Variants in LRP2 observed in about 807,000 individuals in gnomAD.
LRP2 encodes low-density lipoprotein receptor-related protein 2.
Under a neutral mutation model 531.0 loss-of-function variants are expected in LRP2, and 172 were observed. The observed-to-expected ratio is 0.32, with a 90% CI of 0.29 to 0.37. The LOEUF (loss-of-function observed/expected upper bound fraction) is 0.37, where lower values mean the gene tolerates loss of function less well. Ranked by LOEUF, LRP2 falls within the 10% of genes least tolerant of loss-of-function variation. The pLI is 1.00. For synonymous variants in LRP2, 1,992 were observed against 2,027.6 expected, an observed-to-expected ratio of 0.98 and a Z score of 0.47; for missense variants, 5,167 against 5,868.3, an observed-to-expected ratio of 0.88 and a Z score of 3.90.
At chr2:169,181,255 T>C (rs1365473839) in intron 52 of LRP2, among the ~76,000 whole-genome samples, 193 bp downstream of exon 52, 2 of 152,196 alleles carry the variant, frequency 1.3e-5, no homozygotes, top group Non-Finnish European at 2.9e-5. Context: ...CCATATGATT[T>C]AAAAGTTCAC....
chr2:169,270,611 TG>T (rs1252074187), intron 16 of LRP2, among the ~76,000 whole-genome samples: 1 of 49,224 alleles, frequency 2.0e-5, no homozygotes, highest in Non-Finnish European at 3.9e-5. Flanking sequence ...TGTCGTGGGG[TG>T]GGGGGAGGGG....
chr2:169,291,110 T>C, intron 7 of LRP2, 113 bp from the exon 8 acceptor site: 1 of 896,238 alleles, frequency 1.1e-6, no homozygotes, highest in Non-Finnish European at 1.7e-6. Context: ...AATCTATAAA[T>C]GATCTACATT....
intron 50 of LRP2, among the ~76,000 whole-genome samples, chr2:169,182,851 C>A (rs1687492436): frequency 6.6e-6 from 1 of 152,198 alleles, no homozygotes; most frequent in Admixed American, 6.5e-5. Flanking sequence ...ACCTGAGACA[C>A]ATTTCACTTA....
At chr2:169,169,623 A>G (rs1686917112) in intron 60 of LRP2, 79 bp downstream of exon 60, 1 of 1,051,924 alleles carries the variant, frequency 9.5e-7, no homozygotes, top group African/African-American at 1.6e-5. Flanking sequence ...TAATCTAAGA[A>G]GCGGCAGCGG....
In LRP2 at chr2:169,205,426, A is replaced by G. The variant is rs1688341914; in HGVS notation, c.7715+53T>C. ...ATGATGCAAATCCCTCTTCTTTGGA[A>G]ATGGAAGAAAAACCTCTTCTTAACA... On this transcript the variant is annotated intron_variant, in intron 41 of 78. Coordinates refer to ENST00000649046, the MANE Select transcript of LRP2 (RefSeq NM_004525.3). 6.3e-6 allele frequency: 10 copies of G among 1,595,812 alleles called. No individual in the cohort carries two copies. The South Asian group carries it at 1.1e-4, about 18-fold the overall frequency.
intron 13 of LRP2, 170 bp from the exon 14 acceptor site, chr2:169,275,408 T>C: frequency 1.6e-6 from 1 of 617,864 alleles, no homozygotes; most frequent in South Asian, 1.9e-5. Context: ...CATCTACATA[T>C]GATAGAAGGA....
At position 169,257,143 on chromosome 2, in the gene LRP2, C is replaced by T. The variant is rs781457986; in HGVS notation, c.2620G>A (p.Gly874Ser). Reference sequence around the variant, plus strand: ...ACTTACGCCCAATCGATGGCCAAGCCATTGGGCCATCCAAGAGTAGTGTTT... The same window carrying T: ...ACTTACGCCCAATCGATGGCCAAGCTATTGGGCCATCCAAGAGTAGTGTTT... ...VINTTLGWPN[G>S]LAIDWAASRL... The change falls in exon 18 of 79, where the codon GGC becomes AGC. Residue 874 changes from glycine (G) to serine (S), a missense_variant. This residue lies in a region of LRP2 where 2,811 missense variants were observed against 3,058.0 expected (regional missense o/e 0.92). Coordinates refer to ENST00000649046, the MANE Select transcript of LRP2 (RefSeq NM_004525.3). The T allele has an allele frequency of 1.2e-6, 2 of 1,612,832 alleles. No individual in the cohort carries two copies. The highest frequency in any genetic ancestry group is 3.3e-5 in the Admixed American group (2 of 59,884).
At chr2:169,145,690 T>C (rs555887655) in intron 70 of LRP2, 57 bp downstream of exon 70, 2 of 1,538,256 alleles carry the variant, frequency 1.3e-6, no homozygotes, top group Non-Finnish European at 1.8e-6. Flanking sequence ...ATAGCCATTA[T>C]TTTGAAATAA....
rs898578059 is a variant in LRP2, at chr2:169,176,509, G to A, written c.10473C>T (p.Cys3491=). The change falls in exon 54 of 79, where the codon TGC becomes TGT. Residue 3491 remains cysteine (C), a synonymous_variant. Transcript: ENST00000649046. ...GGGTGCGGAAGTCATCTGGACACTCGCAAGTGAACCCTTTTCCTCCTGGCT... is the reference window on the plus strand; with the variant it reads ...GGGTGCGGAAGTCATCTGGACACTCACAAGTGAACCCTTTTCCTCCTGGCT... ...LIKPGGKGFT[C]ECPDDFRTLQ... is the part of the protein sequence containing the mutation. The A allele has an allele frequency of 5.6e-6, 9 of 1,614,042 alleles. No homozygotes were observed. In the Admixed American group the frequency reaches 6.7e-5, roughly 12 times the overall value.
rs77251020 is a variant in LRP2 at position 169,232,114 on chromosome 2, G to A, written c.5099-272C>T. Among the ~76,000 whole-genome samples the A allele has an allele frequency of 0.021, 3,204 of 151,988 alleles. 54 individuals are homozygous for A. The highest frequency in any genetic ancestry group is 0.041 in the Middle Eastern group (12 of 292). ...TCAATCCAGTCTATAACTGGATTAC[G>A]AACAAACAGCCACTGAGTAATCTGG... On this transcript the variant is annotated intron_variant, in intron 30 of 78. Coordinates refer to ENST00000649046, the MANE Select transcript of LRP2 (RefSeq NM_004525.3).
At position 169,294,281 on chromosome 2, in the gene LRP2, A is replaced by C. The variant is rs1684079359; in HGVS notation, c.539-20T>G. 9.1e-6 allele frequency: 13 copies of C among 1,423,972 alleles called. No individual in the cohort carries two copies. Among genetic ancestry groups the C allele is most frequent in the Non-Finnish European group, 1.3e-5 (13 of 1,006,486 alleles). 88.2% of individuals were successfully genotyped at this position (1,423,972 alleles called of 1,614,324 possible). A position where few individuals can be genotyped will look rare whatever the true frequency, so the allele number is the denominator to read the frequency against. ...TCTCAGCTGCAACAGAAAGTTAAGAAGGGAAAGAAAAGAGAGAAGTTAACT... is the reference window on the plus strand; with the variant it reads ...TCTCAGCTGCAACAGAAAGTTAAGACGGGAAAGAAAAGAGAGAAGTTAACT... On this transcript the variant is annotated intron_variant, in intron 5 of 78. Transcript: ENST00000649046.
chr2:169,128,960 C>T, intron 78 of LRP2, 53 bp downstream of exon 78: 3 of 1,548,678 alleles, frequency 1.9e-6, no homozygotes, highest in Non-Finnish European at 2.7e-6. Flanking sequence ...TTTAACCAAG[C>T]AAATAATTTC....
chr2:169,263,615 T>C (rs924740475), intron 16 of LRP2, among the ~76,000 whole-genome samples: 9 of 149,012 alleles, frequency 6.0e-5, no homozygotes, highest in Middle Eastern at 3.5e-3. Context: ...GGAGAGGATG[T>C]GGAGAAATAG....
At chr2:169,321,951 C>A (rs1169248133) in intron 1 of LRP2, among the ~76,000 whole-genome samples, 1 of 152,176 alleles carries the variant, frequency 6.6e-6, no homozygotes, top group Non-Finnish European at 1.5e-5. Context: ...GTGACCTTCC[C>A]AAGCATTATG....
chr2:169,207,208 A>G lies in LRP2; in HGVS notation c.6512T>C (p.Ile2171Thr). The G allele has an allele frequency of 6.2e-7, 1 of 1,614,162 alleles. No homozygotes were observed. Among genetic ancestry groups the G allele is most frequent in the Non-Finnish European group, 8.5e-7 (1 of 1,180,006 alleles). ...FTNAFVSETLIEVLRINTTYR... is the reference protein window; with the variant it reads ...FTNAFVSETLTEVLRINTTYR... ...AGTAGTATTGATCCGCAGAACTTCT[A>G]TCAGTGTTTCAGAAACAAAGGCATT... The change falls in exon 39 of 79, where the codon ATA becomes ACA. Residue 2171 changes from isoleucine to threonine, a missense_variant. Ile to Thr is a moderately conservative substitution (Grantham distance 89, BLOSUM62 -1). This residue lies in a region of LRP2 where 2,811 missense variants were observed against 3,058.0 expected (regional missense o/e 0.92). Transcript: ENST00000649046.
At position 169,185,925 on chromosome 2, in the gene LRP2, G is replaced by A; in HGVS notation, c.9423C>T (p.Tyr3141=). 1 of 1,613,978 alleles carries A rather than the reference G, an allele frequency of 6.2e-7. No individual in the cohort carries two copies. Among genetic ancestry groups the A allele is most frequent in the Non-Finnish European group, 8.5e-7 (1 of 1,179,968 alleles). Residue 3141 remains tyrosine (Y), a synonymous_variant, in exon 50 of 79, where the codon TAC becomes TAT. Transcript: ENST00000649046. The stretch of plus-strand genomic sequence containing the variant: ...AAGTCCGCTTGTCAGACATGAGCTT[G>A]TAACCAGGACGACAGGAACAATAGA... ...TSFYCSCRPG[Y]KLMSDKRTCV...
chr2:169,221,165 C>T (rs1373106251), intron 33 of LRP2, among the ~76,000 whole-genome samples: 3 of 152,122 alleles, frequency 2.0e-5, no homozygotes, highest in South Asian at 2.1e-4. Context: ...GGAAGGTCTG[C>T]GTAGACCTTA....
intron 16 of LRP2, among the ~76,000 whole-genome samples, chr2:169,267,593 C>T (rs1683254061): frequency 1.3e-5 from 2 of 152,136 alleles, no homozygotes; most frequent in South Asian, 2.1e-4. Context: ...ATCTCTGGGA[C>T]ACATTTGAAG....
chr2:169,170,442 A>C lies in LRP2; in HGVS notation c.11380+109T>G, dbSNP rs12476396. ...TGTGTTATGCTAAGGTTTACATATT[A>C]CACATATACAAAAATAATTTTCCTC... On this transcript the variant is annotated intron_variant, in intron 59 of 78. Transcript: ENST00000649046. 37 of 828,066 alleles carry C rather than the reference A, an allele frequency of 4.5e-5. 1 individual carries two copies. Among genetic ancestry groups the C allele is most frequent in the East Asian group, 9.7e-5 (4 of 41,360 alleles). The allele number at this position is 828,066 out of a possible 1,614,324, so 51.3% of individuals were successfully genotyped here.
Sources: gnomAD v4.1 joint callset for allele counts (sites outside exome capture counted in the v4.1 genomes callset) on GRCh38, gnomAD v4.1.1 for gene constraint, gnomAD v4.1.1 regional missense constraint, MANE v1.5 for transcripts, NCBI Gene and HGNC (gene_info 2026-07-23, HGNC 2026-07-21) for gene names.